Variants in ARHGEF18 observed in about 807,000 individuals in gnomAD.
ARHGEF18 encodes the protein Rho/Rac guanine nucleotide exchange factor 18, also known as rho guanine nucleotide exchange factor 18.
In ARHGEF18, 93 loss-of-function variants were observed where a neutral mutation model predicts 155.7. That is an observed-to-expected ratio of 0.60 (90% CI 0.50 to 0.71). The LOEUF is 0.71. Among genes scored for constraint, ARHGEF18 ranks in the 30% least tolerant of loss-of-function variants. The pLI is 0.00. For missense variants in ARHGEF18, 1,593 were observed against 1,816.1 expected (o/e 0.88, Z 2.23); for synonymous variants, 742 against 753.1 (o/e 0.99, Z 0.24).
At chr19:7,402,191 C>A (rs117826893) in intron 10 of ARHGEF18, among the ~76,000 whole-genome samples, 3 of 152,064 alleles carry the variant, frequency 2.0e-5, no homozygotes, top group African/African-American at 7.2e-5. Flanking sequence ...GAGGCCAAGA[C>A]GGGCAGATCA....
Position 7,467,524 on chromosome 19 carries a change from C to T in ARHGEF18, c.3320C>T (p.Ala1107Val). Residue 1107 changes from alanine (A) to valine (V), a missense_variant, in exon 26 of 29, where the codon GCC becomes GTC. By Grantham distance (64) the Ala-to-Val change is moderately conservative (BLOSUM62 0). Transcript: ENST00000668164. ...CGCGAGCGGCTGGAGCAGGAGCGGG[C>T]CGAGCTGGAGCGCCAGCGCCAGGCC... ...QLRERLEQER[A>V]ELERQRQAYQ... 7.0e-7 allele frequency: 1 copy of T among 1,437,974 alleles called. No individual in the cohort carries two copies. Among genetic ancestry groups the T allele is most frequent in the South Asian group, 1.4e-5 (1 of 70,628 alleles). 89.1% of individuals were successfully genotyped at this position (1,437,974 alleles called of 1,614,324 possible). A position where few individuals can be genotyped will look rare whatever the true frequency, so the allele number is the denominator to read the frequency against.
At chr19:7,390,278 G>C (rs1396552738) in intron 10 of ARHGEF18, among the ~76,000 whole-genome samples, 2 of 152,146 alleles carry the variant, frequency 1.3e-5, no homozygotes, top group African/African-American at 4.8e-5. Flanking sequence ...AGACCAAGGT[G>C]GGAGGATCAC....
At chr19:7,454,967 C>G (rs536425959) in intron 17 of ARHGEF18, among the ~76,000 whole-genome samples, 1 of 152,132 alleles carries the variant, frequency 6.6e-6, no homozygotes, top group Non-Finnish European at 1.5e-5. Context: ...GGGTGTGCTC[C>G]GAGCCCTACT....
intron 10 of ARHGEF18, among the ~76,000 whole-genome samples, chr19:7,384,045 G>C (rs1455564446): frequency 3.9e-5 from 6 of 152,156 alleles, no homozygotes; most frequent in Non-Finnish European, 7.4e-5. Context: ...GAATGAAGAG[G>C]AGGAGGTGGT....
intron 1 of ARHGEF18, among the ~76,000 whole-genome samples, chr19:7,362,198 AGAAGAAGGAGAAAAG>A (rs1219868444): frequency 8.6e-5 from 11 of 127,402 alleles, no homozygotes; most frequent in African/African-American, 1.3e-4. Flanking sequence ...AAGAAGGAGA[AGAAGAAGGAGAAAAG>A]AAGAGGAAGA....
chr19:7,395,036 G>C lies in ARHGEF18; in HGVS notation c.967+11833G>C, dbSNP rs1971611164. On this transcript the variant is annotated intron_variant, in intron 10 of 28. Coordinates refer to ENST00000668164, the MANE Select transcript of ARHGEF18 (RefSeq NM_001367823.1). This position sits in a 1 kb window ranked among gnomAD's most constrained non-coding sequence, Gnocchi z 5.0. The stretch of plus-strand genomic sequence containing the variant: ...AGCCCCAGGTCCCCGGGAGCGCCCC[G>C]CCCTCGAGGGCACGCCTCCTTCCGG... 1.0e-6 allele frequency: 1 copy of C among 984,952 alleles called. No individual in the cohort carries two copies. 61.0% of individuals were successfully genotyped at this position (984,952 alleles called of 1,614,324 possible). A position where few individuals can be genotyped will look rare whatever the true frequency, so the allele number is the denominator to read the frequency against.
At chr19:7,361,932 T>G (rs1165884002) in intron 1 of ARHGEF18, among the ~76,000 whole-genome samples, 2 of 150,754 alleles carry the variant, frequency 1.3e-5, no homozygotes, top group East Asian at 3.9e-4. Flanking sequence ...GCGGAGGTTG[T>G]GGTGAGCTGA....
chr19:7,466,862 T>A (rs1014678580), intron 23 of ARHGEF18, 56 bp from the exon 24 acceptor site: 1 of 1,229,920 alleles, frequency 8.1e-7, no homozygotes, highest in Non-Finnish European at 1.2e-6. Flanking sequence ...AAGGCTTGAG[T>A]CTAGTCGGAT....
At chr19:7,411,957 G>A (rs1227755982) in intron 10 of ARHGEF18, among the ~76,000 whole-genome samples, 1 of 152,006 alleles carries the variant, frequency 6.6e-6, no homozygotes, top group Non-Finnish European at 1.5e-5. Flanking sequence ...ATATTACAGT[G>A]TGCGTGTATG....
intron 1 of ARHGEF18, among the ~76,000 whole-genome samples, chr19:7,350,266 G>A (rs541898847): frequency 1.3e-5 from 2 of 152,296 alleles, no homozygotes; most frequent in East Asian, 3.9e-4. Flanking sequence ...AACCAGGAGG[G>A]AGTGAATTGA....
intron 10 of ARHGEF18, among the ~76,000 whole-genome samples, chr19:7,407,962 A>C (rs1455752983): frequency 4.7e-5 from 1 of 21,256 alleles, no homozygotes; most frequent in East Asian, 1.0e-3. Context: ...ACTCCGTCTC[A>C]AAAAAAAAAA....
At chr19:7,433,114 T>G (rs1457964193) in intron 10 of ARHGEF18, among the ~76,000 whole-genome samples, 1 of 151,402 alleles carries the variant, frequency 6.6e-6, no homozygotes, top group African/African-American at 2.4e-5. Context: ...TGAGCTGTGA[T>G]CATGCCACTG....
intron 10 of ARHGEF18, among the ~76,000 whole-genome samples, chr19:7,403,163 G>T (rs1325667502): frequency 6.6e-6 from 1 of 152,066 alleles, no homozygotes; most frequent in African/African-American, 2.4e-5. Context: ...ACAGGTGCAG[G>T]CCTCCTGACC....
intron 10 of ARHGEF18, among the ~76,000 whole-genome samples, chr19:7,416,873 G>A (rs1348443957): frequency 3.3e-5 from 5 of 151,998 alleles, no homozygotes; most frequent in Admixed American, 2.6e-4. Flanking sequence ...AAAGTGTTGG[G>A]ATTACAGGCG....
chr19:7,477,521 A>G, the ARHGEF18 span: 1 of 1,142,450 alleles, frequency 8.8e-7, no homozygotes, highest in Non-Finnish European at 1.2e-6. Flanking sequence ...GTGGCCTGGC[A>G]GCCCTGAGCC....
rs1285749971 is a variant in ARHGEF18 at position 7,380,820 on chromosome 19, C to T, written c.645-97C>T. 9 of 735,218 alleles carry T rather than the reference C, an allele frequency of 1.2e-5. No homozygotes were observed. In the East Asian group the frequency reaches 1.4e-4, roughly 11 times the overall value. The allele number at this position is 735,218 out of a possible 1,614,324, so 45.5% of individuals were successfully genotyped here. ...TGTCAAGGACAGGTGGGCTCTTAGACGGGGTACCTGGTGTATGCCTGTACT... is the reference window on the plus strand; with the variant it reads ...TGTCAAGGACAGGTGGGCTCTTAGATGGGGTACCTGGTGTATGCCTGTACT... On this transcript the variant is annotated intron_variant, in intron 7 of 28. Coordinates refer to ENST00000668164, the MANE Select transcript of ARHGEF18 (RefSeq NM_001367823.1).
rs750549345 is a variant in ARHGEF18 at position 7,440,072 on chromosome 19, C to A, written c.968-272C>A. 1 of 1,550,460 alleles carries A rather than the reference C, an allele frequency of 6.4e-7. No individual in the cohort carries two copies. The highest frequency in any genetic ancestry group is 8.7e-7 in the Non-Finnish European group (1 of 1,146,592). ...AAAACGGCGCAGCCCAGCCTGGCGCCGCGCCGGGTCCCGGAGCCCCGGGCG... is the reference window on the plus strand; with the variant it reads ...AAAACGGCGCAGCCCAGCCTGGCGCAGCGCCGGGTCCCGGAGCCCCGGGCG... On this transcript the variant is annotated intron_variant, in intron 10 of 28. Transcript: ENST00000668164. This position sits in a 1 kb window ranked among gnomAD's most constrained non-coding sequence, Gnocchi z 5.4.
chr19:7,389,497 C>CCCTT (rs60652111), intron 10 of ARHGEF18, among the ~76,000 whole-genome samples: 6 of 138,484 alleles, frequency 4.3e-5, no homozygotes, highest in Admixed American at 3.7e-4. Flanking sequence ...CTTCCTTCCT[C>CCCTT]CCTTCCTTCC....
chr19:7,463,956 G>GT lies in ARHGEF18; in HGVS notation c.2773+2dup. ...GACTGCACAAACAGCCCCACCAAGA[G>GT]TAAGAGCGGGGCCGTCTCCCCTCCT... On this transcript the variant is annotated splice_donor_variant, in intron 22 of 28. Coordinates refer to ENST00000668164, the MANE Select transcript of ARHGEF18 (RefSeq NM_001367823.1). LOFTEE classifies it high-confidence loss of function. The surrounding 1 kb of genome is among the most constrained non-coding windows in gnomAD (Gnocchi z 5.2). 6.3e-7 allele frequency: 1 copy of GT among 1,582,974 alleles called. No homozygotes were observed. The highest frequency in any genetic ancestry group is 8.6e-7 in the Non-Finnish European group (1 of 1,164,666).
Sources: gnomAD v4.1 joint callset for allele counts (sites outside exome capture counted in the v4.1 genomes callset) on GRCh38, gnomAD v4.1.1 for gene constraint, Gnocchi (gnomAD v3.1) non-coding constraint, MANE v1.5 for transcripts, NCBI Gene and HGNC (gene_info 2026-07-23, HGNC 2026-07-21) for gene names.